FOXP1: variants seen among roughly 807,000 people sequenced by gnomAD.
The protein encoded by FOXP1 is forkhead box P1.
FOXP1 carries 15 observed loss-of-function variants against 98.2 expected under a neutral mutation model. The ratio of observed to expected loss-of-function variants is 0.15; its 90% CI spans 0.10 to 0.24. The LOEUF is 0.24. FOXP1 is among the 10% of genes least tolerant of loss of function. The pLI, the probability that FOXP1 is intolerant of heterozygous loss-of-function variation, is 1.00. For synonymous variants in FOXP1, 371 were observed against 314.5 expected (o/e 1.18, Z -1.90); for missense variants, 633 against 848.5 (o/e 0.75, Z 3.15).
chr3:71,508,116 C>T (rs895059288), intron 2 of FOXP1, among the ~76,000 whole-genome samples: 3 of 152,114 alleles, frequency 2.0e-5, no homozygotes, highest in African/African-American at 7.2e-5. Flanking sequence ...AGTGCTGCTG[C>T]CTATAAACTT....
chr3:71,049,896 GGT>G (rs2049610426), intron 9 of FOXP1, among the ~76,000 whole-genome samples: 1 of 151,964 alleles, frequency 6.6e-6, no homozygotes, highest in Non-Finnish European at 1.5e-5. Context: ...TGTTACCCTG[GGT>G]CTCAGACAAA....
intron 5 of FOXP1, among the ~76,000 whole-genome samples, chr3:71,235,626 GTGCAATCTCAGCTCA>G: frequency 6.6e-6 from 1 of 152,150 alleles, no homozygotes; most frequent in Admixed American, 6.5e-5. Flanking sequence ...GAGTGCAGTG[GTGCAATCTCAGCTCA>G]CTGCAACCTC....
At chr3:71,078,717 C>T (rs1466416617) in intron 7 of FOXP1, among the ~76,000 whole-genome samples, 1 of 151,834 alleles carries the variant, frequency 6.6e-6, no homozygotes, top group Non-Finnish European at 1.5e-5. Context: ...GCCCAAGGAG[C>T]TTCCACTTCA....
intron 9 of FOXP1, among the ~76,000 whole-genome samples, chr3:71,049,803 T>C (rs920747762): frequency 3.3e-5 from 5 of 152,106 alleles, no homozygotes; most frequent in African/African-American, 1.2e-4. Context: ...CTCCATCTCA[T>C]TTTAGCACAA....
intron 4 of FOXP1, among the ~76,000 whole-genome samples, chr3:71,352,186 C>G (rs1033048375): frequency 6.6e-6 from 1 of 152,106 alleles, no homozygotes; most frequent in Non-Finnish European, 1.5e-5. Flanking sequence ...CAGGGTACGG[C>G]TGGGTGTGGT....
At chr3:71,299,402 C>T (rs1576846404) in intron 5 of FOXP1, among the ~76,000 whole-genome samples, 3 of 152,198 alleles carry the variant, frequency 2.0e-5, no homozygotes, top group East Asian at 3.9e-4. Flanking sequence ...ATTATAAAGC[C>T]GCCAGATGAA....
intron 7 of FOXP1, among the ~76,000 whole-genome samples, chr3:71,084,529 T>C (rs1417186337): frequency 2.0e-5 from 3 of 152,202 alleles, no homozygotes; most frequent in African/African-American, 7.2e-5. Context: ...AAGGAATTCA[T>C]TAGCAACTAT....
intron 13 of FOXP1, among the ~76,000 whole-genome samples, chr3:70,989,758 A>G (rs1021072825): frequency 1.3e-5 from 2 of 152,130 alleles, no homozygotes; most frequent in Admixed American, 1.3e-4. Context: ...AAAGGGTGAG[A>G]GGTGATATTT....
intron 13 of FOXP1, among the ~76,000 whole-genome samples, chr3:70,989,585 A>AT (rs78190758): frequency 5.3e-5 from 8 of 152,036 alleles, no homozygotes; most frequent in African/African-American, 1.4e-4. Flanking sequence ...CATTATTATT[A>AT]TTTTTTTTAA....
intron 7 of FOXP1, among the ~76,000 whole-genome samples, chr3:71,090,428 G>A (rs996698470): frequency 2.0e-5 from 3 of 152,064 alleles, no homozygotes; most frequent in Non-Finnish European, 4.4e-5. Flanking sequence ...AACCACCCTT[G>A]GGGGGAAAAA....
intron 6 of FOXP1, among the ~76,000 whole-genome samples, chr3:71,131,329 AAAAGT>A (rs1391966613): frequency 6.6e-6 from 1 of 152,064 alleles, no homozygotes; most frequent in African/African-American, 2.4e-5. Flanking sequence ...TACTGTGAAG[AAAAGT>A]AAACTGCTGA....
chr3:71,053,867 G>C (rs1490715995), intron 7 of FOXP1, 94 bp from the exon 8 acceptor site: 1 of 1,367,902 alleles, frequency 7.3e-7, no homozygotes, highest in Non-Finnish European at 1.0e-6. Flanking sequence ...CCTGCTTAAA[G>C]AGTTGACCAA....
Position 70,976,225 on chromosome 3 carries a change from A to T in FOXP1, c.1530+716T>A, listed in dbSNP as rs536484531. Reference sequence around the variant, plus strand: ...GCCACCATGCCTGGCTAATTCATTGAATTTTTTTTGTAGAGACAGGGTCTC... The same window carrying T: ...GCCACCATGCCTGGCTAATTCATTGTATTTTTTTTGTAGAGACAGGGTCTC... On this transcript the variant is annotated intron_variant, in intron 17 of 20. Coordinates refer to ENST00000649528, the MANE Select transcript of FOXP1 (RefSeq NM_001349338.3). Among the ~76,000 whole-genome samples, 8 of 151,150 alleles carry T rather than the reference A, an allele frequency of 5.3e-5. No individual in the cohort carries two copies. In the East Asian group the frequency reaches 1.2e-3, roughly 22 times the overall value.
intron 11 of FOXP1, among the ~76,000 whole-genome samples, chr3:71,030,668 C>T (rs2046745110): frequency 1.3e-5 from 2 of 152,190 alleles, no homozygotes; most frequent in Non-Finnish European, 2.9e-5. Flanking sequence ...TGACTTCTGT[C>T]CCACTGAGGA....
Position 71,051,251 on chromosome 3 carries a change from C to G in FOXP1, c.510+1286G>C, listed in dbSNP as rs149498772. Among the ~76,000 whole-genome samples, 911 of 152,188 alleles carry G rather than the reference C, an allele frequency of 6.0e-3. 13 individuals are homozygous for G. Among genetic ancestry groups the G allele is most frequent in the African/African-American group, 0.021 (879 of 41,496 alleles). ...GTTCCCTTTTTTATTATAGCAGCAC[C>G]CGGTAGAGCGCCACTGTACTTAAGG... On this transcript the variant is annotated intron_variant, in intron 9 of 20. Transcript: ENST00000649528.
chr3:71,582,345 C>A (rs1281168556), intron 1 of FOXP1: 4 of 966,442 alleles, frequency 4.1e-6, no homozygotes, highest in Non-Finnish European at 4.9e-6. Context: ...CGCGACCCCG[C>A]GGCAACTGGC....
chr3:71,277,964 C>A (rs755421302), intron 5 of FOXP1, among the ~76,000 whole-genome samples: 1 of 151,946 alleles, frequency 6.6e-6, no homozygotes, highest in Non-Finnish European at 1.5e-5. Context: ...GGCTGGCACG[C>A]AGGAAAAGCC....
rs1333838825 is a variant in FOXP1, at chr3:71,345,869, T to C, written c.-73+13281A>G. 7.7e-4 allele frequency among the ~76,000 whole-genome samples: 30 copies of C among 38,822 alleles called. No homozygotes were observed. The East Asian group carries it at 0.012, about 16-fold the overall frequency. 25.5% of individuals were successfully genotyped at this position (38,822 alleles called of 152,430 possible). A position where few individuals can be genotyped will look rare whatever the true frequency, so the allele number is the denominator to read the frequency against. ...ATAGGTTTGAAATCAATAAAGTTTT[T>C]GTAAAAAAAAAAAAAAAAAAAAAAA... On this transcript the variant is annotated intron_variant, in intron 4 of 20. Transcript: ENST00000649528.
chr3:71,581,776 G>T, intron 1 of FOXP1, 79 bp from the exon 2 acceptor site: 1 of 985,772 alleles, frequency 1.0e-6, no homozygotes, highest in Non-Finnish European at 1.2e-6. Flanking sequence ...GGGACGGGAC[G>T]GGTGAGTAGG....
Sources: allele counts gnomAD v4.1 joint callset (sites outside exome capture counted in the v4.1 genomes callset), GRCh38; gene constraint gnomAD v4.1.1; transcripts MANE v1.5; gene names NCBI Gene and HGNC (gene_info 2026-07-23, HGNC 2026-07-21).